Variants in PPARGC1B observed in about 807,000 individuals in gnomAD.
PPARGC1B encodes the protein PPARG coactivator 1 beta, also known as peroxisome proliferator-activated receptor gamma coactivator 1-beta.
Under a neutral mutation model 101.6 loss-of-function variants are expected in PPARGC1B, and 34 were observed. The observed-to-expected ratio is 0.33, with a 90% CI of 0.25 to 0.45. The LOEUF is 0.45. Ranked by LOEUF, PPARGC1B falls within the 20% of genes least tolerant of loss-of-function variation. The pLI is 1.00. For missense variants in PPARGC1B, 1,234 were observed against 1,317.6 expected, an observed-to-expected ratio of 0.94 and a Z score of 0.98; for synonymous variants, 548 against 539.3, an observed-to-expected ratio of 1.02 and a Z score of -0.22.
intron 1 of PPARGC1B, among the ~76,000 whole-genome samples, chr5:149,817,160 C>G (rs1360529489): frequency 6.6e-6 from 1 of 152,218 alleles, no homozygotes. Context: ...CTTCCACTAC[C>G]TGGCTTCTCC....
rs745899071 is a variant in PPARGC1B at position 149,832,928 on chromosome 5, G to A, written c.855G>A (p.Gln285=). Residue 285 remains glutamine, a synonymous_variant, in exon 5 of 12, where the codon CAG becomes CAA. Coordinates refer to ENST00000309241, the MANE Select transcript of PPARGC1B (RefSeq NM_133263.4). The surrounding 1 kb of genome is among the most constrained non-coding windows in gnomAD (Gnocchi z 4.9). ...PGAPVSQEDM[Q]AMVQLIRYMH... Reference sequence around the variant, plus strand: ...CCCCGGTTTCCCAGGAAGACATGCAGGCGATGGTGCAACTCATACGCTACA... The same window carrying A: ...CCCCGGTTTCCCAGGAAGACATGCAAGCGATGGTGCAACTCATACGCTACA... 1.9e-6 allele frequency: 3 copies of A among 1,613,208 alleles called. No homozygotes were observed. The highest frequency in any genetic ancestry group is 2.5e-6 in the Non-Finnish European group (3 of 1,180,016).
chr5:149,793,602 C>T (rs1435939794), intron 1 of PPARGC1B, among the ~76,000 whole-genome samples: 4 of 152,134 alleles, frequency 2.6e-5, no homozygotes, highest in Non-Finnish European at 5.9e-5. Flanking sequence ...CACTGTTGTA[C>T]CCCAAACCAT....
chr5:149,761,136 T>C (rs534468949), intron 1 of PPARGC1B, among the ~76,000 whole-genome samples: 1 of 152,162 alleles, frequency 6.6e-6, no homozygotes, highest in South Asian at 2.1e-4. Flanking sequence ...AACTGTGTTA[T>C]TTAACGTACA....
At position 149,832,537 on chromosome 5, in the gene PPARGC1B, AC is replaced by A; in HGVS notation, c.583-117del. 1.2e-6 allele frequency: 1 copy of A among 811,386 alleles called. No homozygotes were observed. The highest frequency in any genetic ancestry group is 1.9e-6 in the Non-Finnish European group (1 of 521,922). 50.3% of individuals were successfully genotyped at this position (811,386 alleles called of 1,614,324 possible). A position where few individuals can be genotyped will look rare whatever the true frequency, so the allele number is the denominator to read the frequency against. On this transcript the variant is annotated intron_variant, in intron 4 of 11. Coordinates refer to ENST00000309241, the MANE Select transcript of PPARGC1B (RefSeq NM_133263.4). This position sits in a 1 kb window ranked among gnomAD's most constrained non-coding sequence, Gnocchi z 4.9. ...GGAAGCTGGGGACGGAATGAAGGAA[AC>A]CTGGCTGTTCCTATGATCCAGGTGA...
At chr5:149,771,346 T>C (rs1756125433) in intron 1 of PPARGC1B, among the ~76,000 whole-genome samples, 2 of 152,080 alleles carry the variant, frequency 1.3e-5, no homozygotes, top group Admixed American at 1.3e-4. Flanking sequence ...GGTGGGGAAA[T>C]TGGGGTCCCA....
intron 1 of PPARGC1B, among the ~76,000 whole-genome samples, chr5:149,732,039 C>T (rs977344647): frequency 1.9e-5 from 2 of 102,968 alleles, no homozygotes; most frequent in Non-Finnish European, 4.0e-5. Flanking sequence ...GCGGGTTGCG[C>T]GCGCGGGTGT....
At chr5:149,808,829 ACACAGCCCCTGCT>A in intron 1 of PPARGC1B, among the ~76,000 whole-genome samples, 1 of 152,188 alleles carries the variant, frequency 6.6e-6, no homozygotes. Flanking sequence ...GCAAACCCAG[ACACAGCCCCTGCT>A]CACATGGAGC....
chr5:149,736,030 C>T (rs1334006742), intron 1 of PPARGC1B, among the ~76,000 whole-genome samples: 1 of 152,016 alleles, frequency 6.6e-6, no homozygotes, highest in Non-Finnish European at 1.5e-5. Flanking sequence ...AGGCTGAGGC[C>T]AGAGAATTGC....
chr5:149,823,428 G>A (rs548560924), intron 2 of PPARGC1B, among the ~76,000 whole-genome samples: 3 of 152,136 alleles, frequency 2.0e-5, no homozygotes, highest in East Asian at 3.9e-4. Flanking sequence ...ATTCTGTTCC[G>A]TGATGTTTCT....
intron 2 of PPARGC1B, among the ~76,000 whole-genome samples, chr5:149,824,720 T>A (rs1415406117): frequency 6.6e-6 from 1 of 151,984 alleles, no homozygotes; most frequent in African/African-American, 2.4e-5. Context: ...GACTTGTGGG[T>A]AGGGGGTGGG....
intron 1 of PPARGC1B, among the ~76,000 whole-genome samples, chr5:149,769,545 C>T (rs79379824): frequency 0.018 from 2,744 of 152,268 alleles, 83 homozygotes; most frequent in African/African-American, 0.061. Flanking sequence ...CCCGGCCATG[C>T]CCTCGTCCTC....
chr5:149,753,302 G>A (rs1755385114), intron 1 of PPARGC1B, among the ~76,000 whole-genome samples: 1 of 151,686 alleles, frequency 6.6e-6, no homozygotes, highest in African/African-American at 2.4e-5. Context: ...TGCCTCCCGG[G>A]TTCAAGCGAT....
intron 1 of PPARGC1B, chr5:149,771,923 C>A: frequency 9.4e-7 from 1 of 1,067,312 alleles, no homozygotes; most frequent in Non-Finnish European, 1.3e-6. Flanking sequence ...TGTCCCCAAG[C>A]TTTAGCATTC....
rs754122319 is a variant in PPARGC1B at position 149,833,761 on chromosome 5, C to T, written c.1688C>T (p.Pro563Leu). The T allele has an allele frequency of 1.0e-5, 16 of 1,535,692 alleles. No homozygotes were observed. Among genetic ancestry groups the T allele is most frequent in the African/African-American group, 2.7e-5 (2 of 73,328 alleles). ...CGDMDEDPSC[P>L]QLPPRDSPRC... ...GACATGGATGAGGACCCCAGCTGCCCGCAGCTCCCTCCCAGAGGTAGTCAG... is the reference window on the plus strand; with the variant it reads ...GACATGGATGAGGACCCCAGCTGCCTGCAGCTCCCTCCCAGAGGTAGTCAG... Residue 563 changes from proline to leucine, a missense_variant, in exon 5 of 12, where the codon CCG becomes CTG. Around this residue, in one of 3 missense-constraint regions of PPARGC1B, gnomAD observed 734 missense variants for 768.4 expected, o/e 0.96. Coordinates refer to ENST00000309241, the MANE Select transcript of PPARGC1B (RefSeq NM_133263.4). This position sits in a 1 kb window ranked among gnomAD's most constrained non-coding sequence, Gnocchi z 4.1.
intron 1 of PPARGC1B, among the ~76,000 whole-genome samples, chr5:149,812,982 T>C (rs1026722458): frequency 1.3e-5 from 2 of 152,222 alleles, no homozygotes; most frequent in Admixed American, 1.3e-4. Context: ...GAAATGGCTA[T>C]GTGGGACTTC....
chr5:149,758,490 C>T (rs778936359), intron 1 of PPARGC1B, among the ~76,000 whole-genome samples: 4 of 152,328 alleles, frequency 2.6e-5, no homozygotes, highest in South Asian at 2.1e-4. Flanking sequence ...GTTTCACTGG[C>T]GCTGCACATA....
intron 2 of PPARGC1B, among the ~76,000 whole-genome samples, chr5:149,826,355 G>A (rs1581100737): frequency 6.6e-6 from 1 of 152,232 alleles, no homozygotes; most frequent in African/African-American, 2.4e-5. Context: ...TCACTCAGGT[G>A]GACAGCCCTG....
Position 149,847,682 on chromosome 5 carries a change from G to C in PPARGC1B, c.*124G>C. 4 of 692,252 alleles carry C rather than the reference G, an allele frequency of 5.8e-6. No individual in the cohort carries two copies. The highest frequency in any genetic ancestry group is 5.6e-5 in the South Asian group (3 of 53,166). The allele number at this position is 692,252 out of a possible 1,614,324, so 42.9% of individuals were successfully genotyped here. On this transcript the variant is annotated 3_prime_UTR_variant, in exon 12 of 12. Transcript: ENST00000309241. ...CGAGCGTGAGAGAACACCCGTGAGA[G>C]AGACTTGAAACTGCTGTCCTTTAAA... is the stretch of plus-strand genomic sequence containing the variant.
intron 2 of PPARGC1B, among the ~76,000 whole-genome samples, chr5:149,822,643 C>G (rs28282): frequency 0.43 from 65,536 of 152,166 alleles, 15,590 homozygotes; most frequent in African/African-American, 0.63. Flanking sequence ...CGCAGCTCTC[C>G]TGATGCCTCC....
Sources: allele counts gnomAD v4.1 joint callset (sites outside exome capture counted in the v4.1 genomes callset), GRCh38; gene constraint gnomAD v4.1.1; regional missense constraint gnomAD v4.1.1; non-coding constraint Gnocchi (gnomAD v3.1); transcripts MANE v1.5; gene names NCBI Gene and HGNC (gene_info 2026-07-23, HGNC 2026-07-21).